The following MAGI2 variants were observed in gnomAD, a reference collection of about 807,000 sequenced individuals.
The protein encoded by MAGI2 is membrane-associated guanylate kinase, WW and PDZ domain-containing protein 2.
A neutral mutation model predicts 133.3 loss-of-function variants in MAGI2; 35 were observed. That is an observed-to-expected ratio of 0.26 (90% CI 0.20 to 0.35). The LOEUF (loss-of-function observed/expected upper bound fraction) is 0.35. MAGI2 is among the 10% of genes least tolerant of loss of function. The pLI, the probability that MAGI2 is intolerant of heterozygous loss-of-function variation, is 1.00. For synonymous variants in MAGI2, 729 were observed against 710.6 expected, an observed-to-expected ratio of 1.03 and a Z score of -0.41; for missense variants, 1,636 against 1,863.4, an observed-to-expected ratio of 0.88 and a Z score of 2.25.
chr7:78,245,972 G>A (rs1791736677), intron 10 of MAGI2, among the ~76,000 whole-genome samples: 1 of 152,134 alleles, frequency 6.6e-6, no homozygotes, highest in South Asian at 2.1e-4. Flanking sequence ...TAGCCACCAT[G>A]GAGCCACCCC....
At chr7:78,226,027 T>C (rs1281895035) in intron 10 of MAGI2, among the ~76,000 whole-genome samples, 2 of 152,194 alleles carry the variant, frequency 1.3e-5, no homozygotes, top group South Asian at 2.1e-4. Context: ...GCCAAATGTT[T>C]GTAAAGAAAA....
intron 1 of MAGI2, among the ~76,000 whole-genome samples, chr7:79,223,268 A>T (rs1189162828): frequency 2.0e-5 from 3 of 152,056 alleles, no homozygotes; most frequent in South Asian, 2.1e-4. Flanking sequence ...ATGGATTTTT[A>T]AAAGTATTGG....
chr7:78,332,408 A>C (rs567314492), intron 9 of MAGI2, among the ~76,000 whole-genome samples: 52 of 152,340 alleles, frequency 3.4e-4, no homozygotes, highest in African/African-American at 1.2e-3. Context: ...TCATTATAAA[A>C]GGAGAGTAGG....
intron 5 of MAGI2, among the ~76,000 whole-genome samples, chr7:78,491,278 T>C (rs530421152): frequency 3.3e-5 from 5 of 152,220 alleles, no homozygotes; most frequent in African/African-American, 1.2e-4. Flanking sequence ...CAGAAAGCTA[T>C]TCCGAGGTGT....
At chr7:78,733,407 A>G (rs1034115664) in intron 2 of MAGI2, among the ~76,000 whole-genome samples, 9 of 148,444 alleles carry the variant, frequency 6.1e-5, no homozygotes, top group African/African-American at 2.1e-4. Context: ...CAAGAGATGT[A>G]TGTTGTTAAA....
chr7:78,828,664 C>T (rs1472794621), intron 2 of MAGI2, among the ~76,000 whole-genome samples: 10 of 152,130 alleles, frequency 6.6e-5, no homozygotes, highest in Middle Eastern at 3.4e-3. Context: ...TATCAATATT[C>T]GTCCATTAAT....
At chr7:78,962,522 T>C (rs1802930967) in intron 2 of MAGI2, among the ~76,000 whole-genome samples, 1 of 151,408 alleles carries the variant, frequency 6.6e-6, no homozygotes, top group Non-Finnish European at 1.5e-5. Context: ...TTTTTTTTTT[T>C]CTTCCCAGAT....
intron 2 of MAGI2, among the ~76,000 whole-genome samples, chr7:78,835,073 C>G (rs1488625093): frequency 6.6e-6 from 1 of 152,170 alleles, no homozygotes; most frequent in East Asian, 1.9e-4. Flanking sequence ...AGTGCAGGAG[C>G]AGTCTAATAC....
In MAGI2 at chr7:79,396,679, G is replaced by A. The variant is rs988589543; in HGVS notation, c.301+56341C>T. 2.0e-5 allele frequency among the ~76,000 whole-genome samples: 3 copies of A among 152,048 alleles called. No individual in the cohort carries two copies. In the South Asian group the frequency reaches 6.2e-4, roughly 32 times the overall value. Reference sequence around the variant, plus strand: ...GTGTGTGCTACCATAATTACCACTGGATAGGTAGAAAACTAAACTCTCTGA... The same window carrying A: ...GTGTGTGCTACCATAATTACCACTGAATAGGTAGAAAACTAAACTCTCTGA... On this transcript the variant is annotated intron_variant, in intron 1 of 21. Transcript: ENST00000354212.
chr7:78,419,399 T>TTGTG (rs3061300), intron 6 of MAGI2, among the ~76,000 whole-genome samples: 117,222 of 150,700 alleles, frequency 0.78, 45,687 homozygotes, highest in East Asian at 0.91. Flanking sequence ...TGCACCGAGC[T>TTGTG]TGTGTGTGTG....
intron 9 of MAGI2, among the ~76,000 whole-genome samples, chr7:78,331,925 T>C (rs1789247363): frequency 6.6e-6 from 1 of 152,212 alleles, no homozygotes; most frequent in Admixed American, 6.5e-5. Context: ...TTTAAGTGCA[T>C]TGACTTCCAT....
At chr7:78,542,154 T>C (rs1798462669) in intron 3 of MAGI2, among the ~76,000 whole-genome samples, 1 of 152,214 alleles carries the variant, frequency 6.6e-6, no homozygotes, top group African/African-American at 2.4e-5. Flanking sequence ...TTATTCTTTT[T>C]CATTTAAAAA....
chr7:78,458,296 A>AAAAAAAAG lies in MAGI2; in HGVS notation c.1045+31464_1045+31465insCTTTTTTT, dbSNP rs201673193. 2.7e-4 allele frequency among the ~76,000 whole-genome samples: 39 copies of AAAAAAAAG among 144,454 alleles called. No homozygotes were observed. In the Middle Eastern group the frequency reaches 0.011, roughly 42 times the overall value. 94.8% of individuals were successfully genotyped at this position (144,454 alleles called of 152,430 possible). On this transcript the variant is annotated intron_variant, in intron 6 of 21. Coordinates refer to ENST00000354212, the MANE Select transcript of MAGI2 (RefSeq NM_012301.4). ...GGAGACAGGGCAAAACTCGGTCTCA[A>AAAAAAAAG]AAAAAAAAAAAAAGAATAAAAGAGT...
chr7:79,307,308 C>T (rs1375972787), intron 1 of MAGI2, among the ~76,000 whole-genome samples: 1 of 152,170 alleles, frequency 6.6e-6, no homozygotes, highest in Non-Finnish European at 1.5e-5. Context: ...TTAAGATATA[C>T]TCTAAGAAGA....
chr7:78,827,703 TATA>T (rs963415461), intron 2 of MAGI2, among the ~76,000 whole-genome samples: 6 of 152,132 alleles, frequency 3.9e-5, no homozygotes, highest in Admixed American at 2.0e-4. Context: ...GCAACATAAA[TATA>T]ATAATATTGA....
intron 6 of MAGI2, among the ~76,000 whole-genome samples, chr7:78,384,678 A>C (rs1209851213): frequency 2.0e-5 from 3 of 152,162 alleles, no homozygotes; most frequent in African/African-American, 7.2e-5. Flanking sequence ...ACTGTTTAAA[A>C]TCTCTGGGGC....
chr7:78,071,920 G>T (rs1411060099), intron 21 of MAGI2, among the ~76,000 whole-genome samples: 1 of 152,184 alleles, frequency 6.6e-6, no homozygotes, highest in Non-Finnish European at 1.5e-5. Flanking sequence ...CCAAGGCTAT[G>T]GTGCCACTTA....
chr7:78,949,857 T>C (rs780753625), intron 2 of MAGI2, among the ~76,000 whole-genome samples: 6 of 152,180 alleles, frequency 3.9e-5, no homozygotes, highest in Non-Finnish European at 5.9e-5. Flanking sequence ...CGGAAATCCA[T>C]GTTGGCATTT....
At chr7:78,452,524 A>T (rs1305803438) in intron 6 of MAGI2, among the ~76,000 whole-genome samples, 1 of 152,052 alleles carries the variant, frequency 6.6e-6, no homozygotes, top group Non-Finnish European at 1.5e-5. Context: ...AATAGTTGAA[A>T]ATATAAAACC....
Sources: gnomAD v4.1 joint callset for allele counts (sites outside exome capture counted in the v4.1 genomes callset) on GRCh38, gnomAD v4.1.1 for gene constraint, MANE v1.5 for transcripts, NCBI Gene and HGNC (gene_info 2026-07-23, HGNC 2026-07-21) for gene names.